ZNF221: variants seen among roughly 807,000 people sequenced by gnomAD.
ZNF221 encodes the protein zinc finger protein 221.
Under a neutral mutation model 12.6 loss-of-function variants are expected in ZNF221, and 10 were observed. The observed-to-expected ratio is 0.79, with a 90% confidence interval of 0.49 to 1.34. ZNF221 has a LOEUF of 1.34. Ranked by LOEUF, ZNF221 falls within the 40% of genes most tolerant of loss-of-function variation. The pLI is 0.00. For missense variants in ZNF221, 661 were observed against 721.4 expected, an observed-to-expected ratio of 0.92 and a Z score of 0.96; for synonymous variants, 232 against 244.0, an observed-to-expected ratio of 0.95 and a Z score of 0.46.
chr19:43,960,525 G>A (rs1230906448), intron 1 of ZNF221, among the ~76,000 whole-genome samples: 2 of 152,330 alleles, frequency 1.3e-5, no homozygotes, highest in South Asian at 4.1e-4. Flanking sequence ...ATGGGAAAAA[G>A]ACCTGGAAGA....
chr19:43,954,427 G>A (rs1162268198), intron 1 of ZNF221, among the ~76,000 whole-genome samples: 2 of 152,056 alleles, frequency 1.3e-5, no homozygotes. Context: ...CCTTTGGAAG[G>A]GACATTAGAA....
the ZNF221 span, among the ~76,000 whole-genome samples, chr19:43,980,588 C>G: frequency 6.6e-6 from 1 of 152,228 alleles, no homozygotes; most frequent in Non-Finnish European, 1.5e-5. Flanking sequence ...TTGTAAGATA[C>G]ATACATACCA....
In ZNF221 at chr19:43,966,979, C is replaced by G. The variant is rs1397084915; in HGVS notation, c.1477C>G (p.Leu493Val). The G allele has an allele frequency of 6.2e-7, 1 of 1,613,970 alleles. No individual in the cohort carries two copies. The highest frequency in any genetic ancestry group is 1.1e-5 in the South Asian group (1 of 91,072). ...CAAGAGCTTTGGCTGGGCCTCCTGT[C>G]TTTTGAAACATCAGAGACTCCACAG... is the stretch of plus-strand genomic sequence containing the variant. ...CGKSFGWASC[L>V]LKHQRLHSGE... Residue 493 changes from leucine to valine, a missense_variant, in exon 5 of 5, where the codon CTT becomes GTT. Physicochemically the swap from Leu to Val is conservative, Grantham distance 32. Transcript: ENST00000587682.
At chr19:43,960,150 T>C (rs1003913276) in intron 1 of ZNF221, 4 of 152,170 alleles carry the variant, frequency 2.6e-5, no homozygotes, top group Non-Finnish European at 5.9e-5. Context: ...TGTTATGTCC[T>C]AGCAAAGAAC....
Position 43,961,838 on chromosome 19 carries a change from T to C in ZNF221, c.-2-887T>C, listed in dbSNP as rs540115973. On this transcript the variant is annotated intron_variant, in intron 1 of 4. Transcript: ENST00000587682. ...TTCATGTTTAGGTTCAGATTATGCA[T>C]TGTTGGTGTGGATACCACAGAAGTG... 4.6e-5 allele frequency: 7 copies of C among 152,332 alleles called. No homozygotes were observed. The South Asian group carries it at 1.5e-3, about 32-fold the overall frequency. 9.4% of individuals were successfully genotyped at this position (152,332 alleles called of 1,614,324 possible). A position where few individuals can be genotyped will look rare whatever the true frequency, so the allele number is the denominator to read the frequency against.
At chr19:43,974,686 A>G in the ZNF221 span, among the ~76,000 whole-genome samples, 1 of 151,318 alleles carries the variant, frequency 6.6e-6, no homozygotes, top group Non-Finnish European at 1.5e-5. Flanking sequence ...CCACAATGAG[A>G]TACTGTCTCA....
intron 1 of ZNF221, among the ~76,000 whole-genome samples, chr19:43,953,694 G>A (rs915956716): frequency 6.6e-6 from 1 of 152,172 alleles, no homozygotes; most frequent in Non-Finnish European, 1.5e-5. Flanking sequence ...AAGGATTTTA[G>A]TTGTATGCCA....
At chr19:43,957,901 C>A (rs1355901448) in intron 1 of ZNF221, among the ~76,000 whole-genome samples, 2 of 152,182 alleles carry the variant, frequency 1.3e-5, no homozygotes, top group Non-Finnish European at 2.9e-5. Flanking sequence ...AAGTACAGAT[C>A]TAGCAGTCAG....
At chr19:43,964,070 ATATT>A (rs1974895624) in intron 2 of ZNF221, among the ~76,000 whole-genome samples, 1 of 152,210 alleles carries the variant, frequency 6.6e-6, no homozygotes, top group African/African-American at 2.4e-5. Context: ...ATAATAAAAA[ATATT>A]TAATATGAAG....
intron 2 of ZNF221, 140 bp from the exon 3 acceptor site, chr19:43,964,810 G>A (rs1267559762): frequency 3.5e-6 from 4 of 1,145,632 alleles, no homozygotes; most frequent in Non-Finnish European, 2.5e-6. Context: ...GGCAGAATGA[G>A]TGGGAAATCT....
chr19:43,979,607 T>A, the ZNF221 span, among the ~76,000 whole-genome samples: 1 of 152,172 alleles, frequency 6.6e-6, no homozygotes, highest in East Asian at 1.9e-4. Flanking sequence ...CATCTTCCTC[T>A]CGTGGGTTAG....
chr19:43,965,114 C>T, intron 3 of ZNF221, 38 bp downstream of exon 3: 7 of 1,607,914 alleles, frequency 4.4e-6, no homozygotes, highest in East Asian at 2.2e-5. Context: ...ATGTTAGGCC[C>T]CAGGAATGGC....
chr19:43,954,508 C>A (rs979206260), intron 1 of ZNF221, among the ~76,000 whole-genome samples: 7 of 152,170 alleles, frequency 4.6e-5, no homozygotes, highest in African/African-American at 1.4e-4. Flanking sequence ...CAGTTCACCT[C>A]CATTCAGATA....
downstream of ZNF221, among the ~76,000 whole-genome samples, chr19:43,971,473 A>G (rs1975094752): frequency 6.6e-6 from 1 of 152,196 alleles, no homozygotes. Flanking sequence ...AAGCTGGATA[A>G]AGAGCCAAGA....
At chr19:43,972,405 A>G (rs919249563), downstream of ZNF221, among the ~76,000 whole-genome samples, 1 of 152,142 alleles carries the variant, frequency 6.6e-6, no homozygotes, top group Non-Finnish European at 1.5e-5. Flanking sequence ...AATACAGGAA[A>G]TAAGATCAGA....
intron 1 of ZNF221, among the ~76,000 whole-genome samples, chr19:43,956,995 G>A (rs1974767073): frequency 6.6e-6 from 1 of 152,150 alleles, no homozygotes; most frequent in African/African-American, 2.4e-5. Flanking sequence ...AAGTGGAAGT[G>A]AGGAACAGAA....
At chr19:43,962,938 C>T (rs1234402984) in intron 2 of ZNF221, 131 bp downstream of exon 2, 1 of 761,412 alleles carries the variant, frequency 1.3e-6, no homozygotes, top group Non-Finnish European at 2.0e-6. Flanking sequence ...CAGATGCTTC[C>T]TTTGCTGCTT....
At chr19:43,973,842 A>G in the ZNF221 span, among the ~76,000 whole-genome samples, 15 of 152,364 alleles carry the variant, frequency 9.8e-5, no homozygotes, top group African/African-American at 3.4e-4. Context: ...TATAGATTCA[A>G]TGCTATTCCC....
At chr19:43,961,971 G>A (rs936591601) in intron 1 of ZNF221, 4 of 152,120 alleles carry the variant, frequency 2.6e-5, no homozygotes, top group Non-Finnish European at 4.4e-5. Flanking sequence ...TCCACTGAAA[G>A]GTTACTTTTT....
Sources: gnomAD v4.1 joint callset for allele counts (sites outside exome capture counted in the v4.1 genomes callset) on GRCh38, gnomAD v4.1.1 for gene constraint, MANE v1.5 for transcripts, NCBI Gene and HGNC (gene_info 2026-07-23, HGNC 2026-07-21) for gene names.